The following CFHR4 variants were observed in gnomAD, a reference collection of about 807,000 sequenced individuals.
The protein encoded by CFHR4 is complement factor H-related protein 4.
A neutral mutation model predicts 69.3 loss-of-function variants in CFHR4; 64 were observed. That is an observed-to-expected ratio of 0.92 (90% CI 0.76 to 1.14). The LOEUF (loss-of-function observed/expected upper bound fraction) is 1.14, where lower values mean the gene tolerates loss of function less well. Among genes scored for constraint, CFHR4 ranks in the 50% most tolerant of loss-of-function variants. The pLI is 0.00. For missense variants in CFHR4, 636 were observed against 684.9 expected (o/e 0.93, Z 0.80); for synonymous variants, 244 against 237.0 (o/e 1.03, Z -0.27).
rs575137840 is a variant in CFHR4, at chr1:196,890,094, C to A, written c.58+1886C>A. Among the ~76,000 whole-genome samples the A allele has an allele frequency of 4.6e-5, 7 of 151,524 alleles. No homozygotes were observed. In the East Asian group the frequency reaches 1.2e-3, roughly 25 times the overall value. ...ACACAATTTATTAAAAGAATATTAA[C>A]TTAAAATAATTTTTTACTCTTTACT... On this transcript the variant is annotated intron_variant, in intron 1 of 9. Coordinates refer to ENST00000608469, the MANE Select transcript of CFHR4 (RefSeq NM_001201550.3).
intron 5 of CFHR4, among the ~76,000 whole-genome samples, chr1:196,908,174 G>C (rs536896918): frequency 1.1e-4 from 16 of 151,272 alleles, no homozygotes; most frequent in Non-Finnish European, 1.5e-4. Flanking sequence ...GGGGAGCTAG[G>C]GGAGGGATAG....
At position 196,891,334 on chromosome 1, in the gene CFHR4, A is replaced by T. The variant is rs779407904; in HGVS notation, c.58+3126A>T. ...CTAAATATCCTGCAATCATAAGAAA[A>T]TGTAAGAGTATCTCAGGATGTTACA... On this transcript the variant is annotated intron_variant, in intron 1 of 9. Coordinates refer to ENST00000608469, the MANE Select transcript of CFHR4 (RefSeq NM_001201550.3). Among the ~76,000 whole-genome samples, 101 of 151,600 alleles carry T rather than the reference A, an allele frequency of 6.7e-4. 4 individuals are homozygous for T. The highest frequency in any genetic ancestry group is 2.3e-3 in the African/African-American group (95 of 41,190).
Position 196,894,629 on chromosome 1 carries a change from G to A in CFHR4, c.58+6421G>A, listed in dbSNP as rs1160435706. 4.6e-5 allele frequency among the ~76,000 whole-genome samples: 7 copies of A among 151,236 alleles called. 1 individual carries two copies. Among genetic ancestry groups the A allele is most frequent in the African/African-American group, 1.7e-4 (7 of 40,922 alleles). ...TTCTTTTAGCGTTTTGAACATATTGGCCCAATGCCTCTGGCCTATAAACTT... is the reference window on the plus strand; with the variant it reads ...TTCTTTTAGCGTTTTGAACATATTGACCCAATGCCTCTGGCCTATAAACTT... On this transcript the variant is annotated intron_variant, in intron 1 of 9. Coordinates refer to ENST00000608469, the MANE Select transcript of CFHR4 (RefSeq NM_001201550.3).
chr1:196,892,086 A>G (rs1412159667), intron 1 of CFHR4, among the ~76,000 whole-genome samples: 3 of 151,730 alleles, frequency 2.0e-5, no homozygotes, highest in East Asian at 3.9e-4. Context: ...CAGCTTTAGC[A>G]TAACTTGGTA....
intron 1 of CFHR4, among the ~76,000 whole-genome samples, chr1:196,889,549 T>C (rs1656908965): frequency 6.6e-6 from 1 of 151,584 alleles, no homozygotes; most frequent in African/African-American, 2.4e-5. Context: ...AAAACTTTTC[T>C]CCTCCAATGA....
intron 1 of CFHR4, among the ~76,000 whole-genome samples, chr1:196,897,876 A>T (rs899460129): frequency 1.3e-5 from 2 of 151,332 alleles, no homozygotes; most frequent in Admixed American, 1.3e-4. Flanking sequence ...TTGACAGGGA[A>T]TCGCCCTCTT....
chr1:196,913,104 G>A (rs1329202266), intron 7 of CFHR4, among the ~76,000 whole-genome samples, 182 bp downstream of exon 7: 1 of 151,422 alleles, frequency 6.6e-6, no homozygotes, highest in African/African-American at 2.4e-5. Flanking sequence ...ATGGCTACTT[G>A]GGAAGATGAT....
chr1:196,910,409 C>A lies in CFHR4; in HGVS notation c.928C>A (p.Pro310Thr), dbSNP rs1488034484. The change falls in exon 6 of 10, where the codon CCT becomes ACT. Residue 310 changes from proline (P) to threonine (T), a missense_variant. Physicochemically the swap from Pro to Thr is conservative, Grantham distance 38. Around this residue, in one of 3 missense-constraint regions of CFHR4, gnomAD observed 529 missense variants for 533.2 expected, o/e 0.99. Coordinates refer to ENST00000608469, the MANE Select transcript of CFHR4 (RefSeq NM_001201550.3). ...SYYCDQNFVT[P>T]SGSYWDYIHC... ...TTACTGTGACCAAAATTTTGTGACT[C>A]CTTCAGGAAGTTACTGGGATTACAT... is the stretch of plus-strand genomic sequence containing the variant. The A allele has an allele frequency of 1.2e-6, 2 of 1,612,746 alleles. No homozygotes were observed. The highest frequency in any genetic ancestry group is 1.7e-6 in the Non-Finnish European group (2 of 1,179,624).
chr1:196,918,195 T>A lies in CFHR4; in HGVS notation c.1541-15T>A, dbSNP rs749831245. On this transcript the variant is annotated splice_polypyrimidine_tract_variant and intron_variant, in intron 9 of 9. Coordinates refer to ENST00000608469, the MANE Select transcript of CFHR4 (RefSeq NM_001201550.3). ...CAAGATTATGATTGTTAATTGTTTCTTTTTCTGCTTTCAGATCCATGTATA... is the reference window on the plus strand; with the variant it reads ...CAAGATTATGATTGTTAATTGTTTCATTTTCTGCTTTCAGATCCATGTATA... The A allele has an allele frequency of 1.9e-6, 3 of 1,598,638 alleles. No individual in the cohort carries two copies. The highest frequency in any genetic ancestry group is 2.2e-5 in the South Asian group (2 of 90,414).
rs894350147 is a variant in CFHR4, at chr1:196,902,570, A to G, written c.211A>G (p.Ile71Val). 3 of 1,612,520 alleles carry G rather than the reference A, an allele frequency of 1.9e-6. No homozygotes were observed. The highest frequency in any genetic ancestry group is 2.2e-5 in the East Asian group (1 of 44,804). The change falls in exon 2 of 10, where the codon ATT becomes GTT. Residue 71 changes from isoleucine to valine, a missense_variant. Around this residue, in one of 3 missense-constraint regions of CFHR4, gnomAD observed 529 missense variants for 533.2 expected, o/e 0.99. Coordinates refer to ENST00000608469, the MANE Select transcript of CFHR4 (RefSeq NM_001201550.3). ...TCCTTCAGGAAGTTACTGGGATTAC[A>G]TTCATTGCACACAAGATGGTTGGTC... ...VTPSGSYWDY[I>V]HCTQDGWSPT...
At chr1:196,906,372 G>C (rs1202404941) in intron 3 of CFHR4, among the ~76,000 whole-genome samples, 1 of 151,418 alleles carries the variant, frequency 6.6e-6, no homozygotes, top group Non-Finnish European at 1.5e-5. Flanking sequence ...GATTTGACCA[G>C]CTTTGATAAA....
Position 196,889,661 on chromosome 1 carries a change from G to A in CFHR4, c.58+1453G>A, listed in dbSNP as rs115903966. 7.9e-3 allele frequency among the ~76,000 whole-genome samples: 1,192 copies of A among 151,534 alleles called. 63 individuals carry two copies. Among genetic ancestry groups the A allele is most frequent in the African/African-American group, 0.027 (1,119 of 41,160 alleles). ...ACTCATTTAGTGGAATAACATCTTG[G>A]GTAGTGAGAAACATCTTTGTGAATT... On this transcript the variant is annotated intron_variant, in intron 1 of 9. Transcript: ENST00000608469.
At chr1:196,903,168 T>C (rs1208319629) in intron 2 of CFHR4, among the ~76,000 whole-genome samples, 1 of 151,434 alleles carries the variant, frequency 6.6e-6, no homozygotes, top group African/African-American at 2.4e-5. Flanking sequence ...GATCCCAGTA[T>C]GTCCGTAACT....
Position 196,905,181 on chromosome 1 carries a change from T to C in CFHR4, c.330T>C (p.Asn110=), listed in dbSNP as rs944951227. 2 of 1,609,626 alleles carry C rather than the reference T, an allele frequency of 1.2e-6. No homozygotes were observed. Among genetic ancestry groups the C allele is most frequent in the Admixed American group, 1.7e-5 (1 of 59,582 alleles). Reference sequence around the variant, plus strand: ...AATCTTCCTCTATTTATATTTTAAATGAAGAAACACAATATAATTGTAAAC... The same window carrying C: ...AATCTTCCTCTATTTATATTTTAAACGAAGAAACACAATATAATTGTAAAC... ...ISESSSIYIL[N]EETQYNCKPG... The change falls in exon 3 of 10, where the codon AAT becomes AAC. Residue 110 remains asparagine, a synonymous_variant. Coordinates refer to ENST00000608469, the MANE Select transcript of CFHR4 (RefSeq NM_001201550.3).
chr1:196,918,305 ATTGAAT>A lies in CFHR4; in HGVS notation c.1639_1644del (p.Glu547_Phe548del). On this transcript the variant is annotated inframe_deletion, in exon 10 of 10. Coordinates refer to ENST00000608469, the MANE Select transcript of CFHR4 (RefSeq NM_001201550.3). ...ATATTATGCAAAAACAGGGGATACCATTGAATTTATGTGTAAATTGGGATATAATGC... is the reference window on the plus strand; with the variant it reads ...ATATTATGCAAAAACAGGGGATACCATTATGTGTAAATTGGGATATAATGC... 1 of 1,610,792 alleles carries A rather than the reference ATTGAAT, an allele frequency of 6.2e-7. No individual in the cohort carries two copies. Among genetic ancestry groups the A allele is most frequent in the Non-Finnish European group, 8.5e-7 (1 of 1,177,982 alleles).
chr1:196,891,187 G>T (rs1657011724), intron 1 of CFHR4, among the ~76,000 whole-genome samples: 1 of 151,466 alleles, frequency 6.6e-6, no homozygotes, highest in African/African-American at 2.4e-5. Context: ...GGGAGGTGGA[G>T]GTTGCAGTGA....
In CFHR4 at chr1:196,914,631, G is replaced by A. The variant is rs1658476177; in HGVS notation, c.1317G>A (p.Val439=). ...ISYGNTTGSI[V]CGEDGWSHFP... ...ATGGAAACACCACAGGTTCCATAGT[G>A]TGTGGTGAAGATGGGTGGTCCCATT... is the stretch of plus-strand genomic sequence containing the variant. The change falls in exon 8 of 10, where the codon GTG becomes GTA. Residue 439 remains valine (V), a synonymous_variant. Coordinates refer to ENST00000608469, the MANE Select transcript of CFHR4 (RefSeq NM_001201550.3). 3 of 1,609,268 alleles carry A rather than the reference G, an allele frequency of 1.9e-6. No homozygotes were observed. Among genetic ancestry groups the A allele is most frequent in the Non-Finnish European group, 2.5e-6 (3 of 1,178,352 alleles).
chr1:196,914,063 T>A lies in CFHR4; in HGVS notation c.1181-432T>A, dbSNP rs964325576. ...AAATTTTTATAGAACTTATATCCAA[T>A]TAATATAATTTTTATCTAATATATA... On this transcript the variant is annotated intron_variant, in intron 7 of 9. Transcript: ENST00000608469. 1.5e-4 allele frequency among the ~76,000 whole-genome samples: 23 copies of A among 151,508 alleles called. 1 individual carries two copies. Among genetic ancestry groups the A allele is most frequent in the Admixed American group, 6.6e-5 (1 of 15,174 alleles).
chr1:196,907,308 T>C lies in CFHR4; in HGVS notation c.617-8T>C. ...GATTTTTCCCCAATGTAAAGTATTT[T>C]TTTTCAGATTCTTCAGAAAACTGTG... On this transcript the variant is annotated splice_region_variant and splice_polypyrimidine_tract_variant and intron_variant, in intron 4 of 9. Coordinates refer to ENST00000608469, the MANE Select transcript of CFHR4 (RefSeq NM_001201550.3). 1.2e-6 allele frequency: 2 copies of C among 1,606,344 alleles called. No individual in the cohort carries two copies. The highest frequency in any genetic ancestry group is 2.2e-5 in the South Asian group (2 of 90,894).
Sources: gnomAD v4.1 joint callset for allele counts (sites outside exome capture counted in the v4.1 genomes callset) on GRCh38, gnomAD v4.1.1 for gene constraint, gnomAD v4.1.1 regional missense constraint, MANE v1.5 for transcripts, NCBI Gene and HGNC (gene_info 2026-07-23, HGNC 2026-07-21) for gene names.